Variants in MSH3 observed in about 807,000 individuals in gnomAD.
MSH3 encodes the protein mutS homolog 3.
A neutral mutation model predicts 123.3 loss-of-function variants in MSH3; 106 were observed. The ratio of observed to expected loss-of-function variants is 0.86; its 90% CI spans 0.73 to 1.01. The LOEUF (loss-of-function observed/expected upper bound fraction) is 1.01. MSH3 is among the 50% of genes least tolerant of loss of function. MSH3 has a pLI of 0.00. For missense variants in MSH3, 1,459 were observed against 1,347.6 expected (o/e 1.08, Z -1.29); for synonymous variants, 515 against 481.4 (o/e 1.07, Z -0.91).
intron 19 of MSH3, among the ~76,000 whole-genome samples, chr5:80,802,323 A>G (rs1744803380): frequency 6.6e-6 from 1 of 152,056 alleles, no homozygotes; most frequent in South Asian, 2.1e-4. Context: ...CAATATGGAT[A>G]TACCATAATT....
chr5:80,785,874 A>C (rs1744497195), intron 17 of MSH3, among the ~76,000 whole-genome samples: 1 of 152,212 alleles, frequency 6.6e-6, no homozygotes, highest in African/African-American at 2.4e-5. Context: ...CATCCTTCTC[A>C]GTAAACTATC....
chr5:80,663,206 A>G (rs1018753928), intron 2 of MSH3, among the ~76,000 whole-genome samples: 1 of 152,174 alleles, frequency 6.6e-6, no homozygotes, highest in Non-Finnish European at 1.5e-5. Context: ...TTTTGAACGA[A>G]GGTTCATTGG....
rs1214123929 is a variant in MSH3 at position 80,876,049 on chromosome 5, T to C, written c.*187T>C. 1.0e-5 allele frequency: 6 copies of C among 598,046 alleles called. No homozygotes were observed. The highest frequency in any genetic ancestry group is 2.9e-5 in the Admixed American group (1 of 34,332). The allele number at this position is 598,046 out of a possible 1,614,324, so 37.0% of individuals were successfully genotyped here. ...TTTCAAGTTTCTGTCTTCCTAACTT[T>C]TCTACGTATAAACACTCTTGAATAG... On this transcript the variant is annotated 3_prime_UTR_variant, in exon 24 of 24. Coordinates refer to ENST00000265081, the MANE Select transcript of MSH3 (RefSeq NM_002439.5).
At chr5:80,669,211 C>T (rs1210266560) in intron 3 of MSH3, among the ~76,000 whole-genome samples, 2 of 152,090 alleles carry the variant, frequency 1.3e-5, no homozygotes, top group African/African-American at 4.8e-5. Flanking sequence ...GTACATGTTT[C>T]TGGGTTTTCT....
Position 80,854,228 on chromosome 5 carries a change from T to G in MSH3, c.2912T>G (p.Leu971Trp). The G allele has an allele frequency of 6.2e-7, 1 of 1,613,894 alleles. No individual in the cohort carries two copies. Among genetic ancestry groups the G allele is most frequent in the Non-Finnish European group, 8.5e-7 (1 of 1,179,834 alleles). Reference protein sequence around the residue: ...EIIRKATSQSLVILDELGRGT... With the variant: ...EIIRKATSQSWVILDELGRGT... ...ATCAGAAAAGCAACATCACAGTCCT[T>G]GGTTATCTTGGATGAACTAGGAAGA... Residue 971 changes from leucine (L) to tryptophan (W), a missense_variant, in exon 21 of 24, where the codon TTG (leucine) becomes TGG (tryptophan). By Grantham distance (61) the Leu-to-Trp change is moderately conservative. Transcript: ENST00000265081.
At chr5:80,858,364 A>T (rs1010611876) in intron 21 of MSH3, among the ~76,000 whole-genome samples, 1 of 152,128 alleles carries the variant, frequency 6.6e-6, no homozygotes, top group Non-Finnish European at 1.5e-5. Flanking sequence ...ATTTTCTTCT[A>T]TGCACTGCTT....
intron 18 of MSH3, among the ~76,000 whole-genome samples, chr5:80,791,159 G>T (rs1053990109): frequency 6.7e-6 from 1 of 149,458 alleles, no homozygotes; most frequent in African/African-American, 2.5e-5. Flanking sequence ...ACAATTTATA[G>T]GTTACAATTT....
chr5:80,785,260 A>G (rs1744483232), intron 17 of MSH3, among the ~76,000 whole-genome samples: 1 of 152,190 alleles, frequency 6.6e-6, no homozygotes, highest in Non-Finnish European at 1.5e-5. Context: ...GTCGTACAGA[A>G]TATCTGAGCT....
intron 20 of MSH3, among the ~76,000 whole-genome samples, chr5:80,851,397 A>C (rs1437588438): frequency 6.6e-6 from 1 of 152,278 alleles, no homozygotes; most frequent in African/African-American, 2.4e-5. Flanking sequence ...ATTACAATAT[A>C]TATATAGAAT....
At chr5:80,723,366 A>G (rs1439183833) in intron 8 of MSH3, among the ~76,000 whole-genome samples, 2 of 152,134 alleles carry the variant, frequency 1.3e-5, no homozygotes, top group African/African-American at 4.8e-5. Context: ...TAGAAATGCA[A>G]TATGCAGTGA....
chr5:80,715,740 AAG>A (rs1159038336), intron 8 of MSH3, among the ~76,000 whole-genome samples: 3 of 152,056 alleles, frequency 2.0e-5, no homozygotes, highest in African/African-American at 4.8e-5. Flanking sequence ...GAGCAGGAGG[AAG>A]AGAGAGGGGG....
At chr5:80,809,994 C>T (rs1030203723) in intron 19 of MSH3, among the ~76,000 whole-genome samples, 4 of 151,724 alleles carry the variant, frequency 2.6e-5, no homozygotes, top group African/African-American at 7.3e-5. Flanking sequence ...TAGAGATTGA[C>T]GTTTTGTAAT....
At chr5:80,866,726 T>C (rs1746104633) in intron 22 of MSH3, among the ~76,000 whole-genome samples, 1 of 152,236 alleles carries the variant, frequency 6.6e-6, no homozygotes, top group Non-Finnish European at 1.5e-5. Context: ...ATGTATTGTA[T>C]GTCATTCATA....
chr5:80,721,639 T>G (rs574237734), intron 8 of MSH3, among the ~76,000 whole-genome samples: 3 of 152,312 alleles, frequency 2.0e-5, no homozygotes, highest in African/African-American at 7.2e-5. Context: ...CTTAATATCT[T>G]GAGATGCAGT....
In MSH3 at chr5:80,656,435, A is replaced by C; in HGVS notation, c.262A>C (p.Lys88Gln). ...GGCTACAGAAATTGACAGAAGAAAG[A>C]AGAGACCATTGGAAAATGATGGGCC... ...HIATEIDRRK[K>Q]RPLENDGPVK... Residue 88 changes from lysine to glutamine, a missense_variant, in exon 2 of 24, where the codon AAG becomes CAG. Transcript: ENST00000265081. 6.2e-7 allele frequency: 1 copy of C among 1,614,094 alleles called. No homozygotes were observed. Among genetic ancestry groups the C allele is most frequent in the East Asian group, 2.2e-5 (1 of 44,880 alleles).
rs538593212 is a variant in MSH3 at position 80,803,372 on chromosome 5, G to A, written c.2656-10212G>A. ...ATATGCCTGTTGTTTGTATGCCTTCGTTTGAGAAATGTCTATTAAGATCTT... is the reference window on the plus strand; with the variant it reads ...ATATGCCTGTTGTTTGTATGCCTTCATTTGAGAAATGTCTATTAAGATCTT... On this transcript the variant is annotated intron_variant, in intron 19 of 23. Coordinates refer to ENST00000265081, the MANE Select transcript of MSH3 (RefSeq NM_002439.5). Among the ~76,000 whole-genome samples the A allele has an allele frequency of 1.4e-4, 22 of 151,766 alleles. No individual in the cohort carries two copies. In the South Asian group the frequency reaches 4.0e-3, roughly 27 times the overall value.
chr5:80,719,314 G>C (rs922735672), intron 8 of MSH3, among the ~76,000 whole-genome samples: 5 of 152,038 alleles, frequency 3.3e-5, no homozygotes, highest in Admixed American at 6.5e-5. Context: ...CCAAAGTGCT[G>C]GGATTACAGG....
chr5:80,769,028 TC>T (rs754603648), intron 15 of MSH3, 25 bp downstream of exon 15: 2 of 1,597,210 alleles, frequency 1.3e-6, no homozygotes, highest in Non-Finnish European at 1.7e-6. Context: ...ACTTTTATTT[TC>T]TATTAGTTTT....
At chr5:80,875,663 T>G (rs1340235165) in intron 23 of MSH3, 88 bp from the exon 24 acceptor site, 1 of 762,620 alleles carries the variant, frequency 1.3e-6, no homozygotes, top group South Asian at 1.5e-5. Flanking sequence ...GGTATTCAAG[T>G]GTTATAGACT....
Sources: gnomAD v4.1 joint callset for allele counts (sites outside exome capture counted in the v4.1 genomes callset) on GRCh38, gnomAD v4.1.1 for gene constraint, MANE v1.5 for transcripts, NCBI Gene and HGNC (gene_info 2026-07-23, HGNC 2026-07-21) for gene names.